Variants in PRKD1 observed in about 807,000 individuals in gnomAD.
PRKD1 encodes the protein protein kinase D1, also known as serine/threonine-protein kinase D1.
In PRKD1, 63 loss-of-function variants were observed where a neutral mutation model predicts 95.9. The ratio of observed to expected loss-of-function variants is 0.66; its 90% CI spans 0.54 to 0.81. PRKD1 has a LOEUF of 0.81. PRKD1 is among the 30% of genes least tolerant of loss of function. The pLI is 0.00. For missense variants in PRKD1, 1,048 were observed against 1,165.3 expected (o/e 0.90, Z 1.47); for synonymous variants, 425 against 423.1 (o/e 1.00, Z -0.05).
chr14:29,615,464 C>T (rs1470096352), intron 13 of PRKD1, among the ~76,000 whole-genome samples: 1 of 152,162 alleles, frequency 6.6e-6, no homozygotes, highest in Non-Finnish European at 1.5e-5. Flanking sequence ...CTTTTAAAAC[C>T]TGTTTATGTT....
At position 29,759,448 on chromosome 14, in the gene PRKD1, A is replaced by C. The variant is rs1309251805; in HGVS notation, c.265-33774T>G. Among the ~76,000 whole-genome samples the C allele has an allele frequency of 2.6e-5, 4 of 152,332 alleles. No homozygotes were observed. The East Asian group carries it at 5.8e-4, about 22-fold the overall frequency. ...ACTGGCCATATTGATAAATGTGCTA[A>C]GTATCTTCATACTTCAGATAACCTT... On this transcript the variant is annotated intron_variant, in intron 1 of 17. Coordinates refer to ENST00000331968, the MANE Select transcript of PRKD1 (RefSeq NM_002742.3).
chr14:29,689,561 T>C (rs929631996), intron 2 of PRKD1, among the ~76,000 whole-genome samples: 2 of 152,188 alleles, frequency 1.3e-5, no homozygotes, highest in Non-Finnish European at 2.9e-5. Flanking sequence ...GAAGACAGTG[T>C]GGTGATTCCT....
rs566090147 is a variant in PRKD1 at position 29,609,815 on chromosome 14, T to A, written c.1906-9998A>T. 3.3e-5 allele frequency among the ~76,000 whole-genome samples: 5 copies of A among 150,320 alleles called. No individual in the cohort carries two copies. In the South Asian group the frequency reaches 8.4e-4, roughly 25 times the overall value. On this transcript the variant is annotated intron_variant, in intron 13 of 17. Transcript: ENST00000331968. ...CTCAAGTGATCTGTCTGCCTCAGCC[T>A]CCCAAAGTGCTGAAATTACAGGCAT... is the stretch of plus-strand genomic sequence containing the variant.
intron 2 of PRKD1, among the ~76,000 whole-genome samples, chr14:29,674,874 A>G (rs1285653228): frequency 6.6e-6 from 1 of 152,236 alleles, no homozygotes; most frequent in Non-Finnish European, 1.5e-5. Flanking sequence ...CTAGAGACAC[A>G]GGGACGAGGT....
chr14:29,920,068 AGAAG>A (rs150031213), intron 1 of PRKD1, among the ~76,000 whole-genome samples: 985 of 96,836 alleles, frequency 0.01, 5 homozygotes, highest in East Asian at 0.027. Context: ...AAGGAAGGAA[AGAAG>A]GAAGGAAGGA....
At position 29,927,387 on chromosome 14, in the gene PRKD1, GA is replaced by G; in HGVS notation, c.125del (p.Val42AlafsTer16). On this transcript the variant is annotated frameshift_variant, in exon 1 of 18. Coordinates refer to ENST00000331968, the MANE Select transcript of PRKD1 (RefSeq NM_002742.3). LOFTEE classifies it high-confidence loss of function. ...ACGAGATGCCCCCGACCGGGGCCGC[GA>G]CAGGAGCCAAGAACGGCGCGGGCCC... ...GPGPAPFLAP[V>X]AAPVGGISFH... 6.4e-7 allele frequency: 1 copy of G among 1,551,660 alleles called. No homozygotes were observed. Among genetic ancestry groups the G allele is most frequent in the South Asian group, 1.2e-5 (1 of 84,600 alleles).
chr14:29,643,435 G>A (rs561270071), intron 4 of PRKD1, among the ~76,000 whole-genome samples: 7 of 152,222 alleles, frequency 4.6e-5, no homozygotes, highest in Non-Finnish European at 8.8e-5. Flanking sequence ...TACACCAAGT[G>A]TTTCATTTGA....
chr14:29,596,725 CCTAT>C (rs1893320019), intron 16 of PRKD1, among the ~76,000 whole-genome samples: 3 of 152,208 alleles, frequency 2.0e-5, no homozygotes. Flanking sequence ...CATAGTAACA[CCTAT>C]CTTATAGAAT....
chr14:29,729,964 C>T (rs1886351526), intron 1 of PRKD1, among the ~76,000 whole-genome samples: 1 of 151,936 alleles, frequency 6.6e-6, no homozygotes, highest in Non-Finnish European at 1.5e-5. Context: ...AACTCCATGA[C>T]ATTGGTATGG....
intron 2 of PRKD1, among the ~76,000 whole-genome samples, chr14:29,703,709 T>C (rs1473089814): frequency 6.6e-6 from 1 of 152,150 alleles, no homozygotes; most frequent in Non-Finnish European, 1.5e-5. Context: ...AATAAATATA[T>C]GTTAATGAAT....
intron 1 of PRKD1, among the ~76,000 whole-genome samples, chr14:29,869,306 G>A (rs889175142): frequency 6.6e-6 from 1 of 152,068 alleles, no homozygotes; most frequent in Non-Finnish European, 1.5e-5. Context: ...AGTTGGGCAT[G>A]GTGCCACGTG....
At chr14:29,889,416 G>A (rs536576001) in intron 1 of PRKD1, among the ~76,000 whole-genome samples, 7 of 152,308 alleles carry the variant, frequency 4.6e-5, no homozygotes, top group African/African-American at 9.6e-5. Context: ...AGCCAAAGCA[G>A]GGTGGGGCAT....
At chr14:29,633,015 T>C (rs1880126286) in intron 8 of PRKD1, 69 bp from the exon 9 acceptor site, 1 of 1,399,854 alleles carries the variant, frequency 7.1e-7, no homozygotes, top group African/African-American at 1.4e-5. Flanking sequence ...AAAACATAAA[T>C]AGATTTCCCC....
chr14:29,625,557 C>T (rs192583183), intron 12 of PRKD1, among the ~76,000 whole-genome samples: 2 of 151,988 alleles, frequency 1.3e-5, no homozygotes, highest in East Asian at 3.9e-4. Context: ...TTTTTGCATG[C>T]AACTATTATA....
chr14:29,855,475 T>A (rs2139347487), intron 1 of PRKD1, among the ~76,000 whole-genome samples: 1 of 152,308 alleles, frequency 6.6e-6, no homozygotes, highest in East Asian at 1.9e-4. Flanking sequence ...ACCCAGTGCC[T>A]TTTACAGGAT....
chr14:29,629,766 G>C (rs1421823497), intron 10 of PRKD1, among the ~76,000 whole-genome samples: 1 of 152,076 alleles, frequency 6.6e-6, no homozygotes, highest in East Asian at 1.9e-4. Flanking sequence ...CTAATGAACA[G>C]AGAATTCTTC....
At position 29,577,484 on chromosome 14, in the gene PRKD1, A is replaced by ATAGAGATCATTACAAC. The variant is rs774955980; in HGVS notation, c.2521-44_2521-29dup. 6 of 1,582,878 alleles carry ATAGAGATCATTACAAC rather than the reference A, an allele frequency of 3.8e-6. No homozygotes were observed. In the African/African-American group the frequency reaches 5.4e-5, roughly 14 times the overall value. On this transcript the variant is annotated intron_variant, in intron 17 of 17. Coordinates refer to ENST00000331968, the MANE Select transcript of PRKD1 (RefSeq NM_002742.3). ...GAAGAAGAAATTCCAAAATATTACC[A>ATAGAGATCATTACAAC]TAGAGATCATTACAACTCAACATAC...
intron 2 of PRKD1, among the ~76,000 whole-genome samples, chr14:29,693,879 TA>T (rs1884376137): frequency 6.6e-6 from 1 of 152,178 alleles, no homozygotes; most frequent in South Asian, 2.1e-4. Flanking sequence ...CCATTTTGGA[TA>T]GTCTTTTCAG....
chr14:29,854,308 A>C (rs1264761954), intron 1 of PRKD1, among the ~76,000 whole-genome samples: 1 of 152,188 alleles, frequency 6.6e-6, no homozygotes, highest in African/African-American at 2.4e-5. Flanking sequence ...TGGACAATGA[A>C]ATCCAGGCTG....
Sources: allele counts gnomAD v4.1 joint callset (sites outside exome capture counted in the v4.1 genomes callset), GRCh38; gene constraint gnomAD v4.1.1; transcripts MANE v1.5; gene names NCBI Gene and HGNC (gene_info 2026-07-23, HGNC 2026-07-21).